The following PDE6A variants were observed in gnomAD, a reference collection of about 807,000 sequenced individuals.
The protein encoded by PDE6A is phosphodiesterase 6A.
In PDE6A, 84 loss-of-function variants were observed where a neutral mutation model predicts 106.3. The observed-to-expected ratio is 0.79, with a 90% CI of 0.66 to 0.95. The LOEUF (loss-of-function observed/expected upper bound fraction) is 0.95. Among genes scored for constraint, PDE6A ranks in the 40% least tolerant of loss-of-function variants. The pLI is 0.00. For synonymous variants in PDE6A, 394 were observed against 386.6 expected (o/e 1.02, Z -0.23); for missense variants, 1,052 against 1,084.9 (o/e 0.97, Z 0.43).
intron 11 of PDE6A, 32 bp downstream of exon 11, chr5:149,896,679 A>G (rs780953320): frequency 3.1e-6 from 5 of 1,613,962 alleles, no homozygotes; most frequent in African/African-American, 1.3e-5. Flanking sequence ...CTTGTTATAC[A>G]TCGGGGCTCG....
At chr5:149,935,469 A>G (rs1390361665) in intron 1 of PDE6A, among the ~76,000 whole-genome samples, 2 of 152,282 alleles carry the variant, frequency 1.3e-5, no homozygotes, top group East Asian at 1.9e-4. Flanking sequence ...TAGAAACCCC[A>G]CTATGTGTCA....
chr5:149,889,779 C>T (rs1283064490), intron 13 of PDE6A, among the ~76,000 whole-genome samples: 1 of 151,660 alleles, frequency 6.6e-6, no homozygotes, highest in Non-Finnish European at 1.5e-5. Flanking sequence ...CGGTGGCACG[C>T]ACCTGTAATC....
intron 17 of PDE6A, among the ~76,000 whole-genome samples, chr5:149,871,075 ATGTT>A (rs534211769): frequency 9.8e-5 from 15 of 152,292 alleles, no homozygotes; most frequent in Middle Eastern, 3.4e-3. Flanking sequence ...AATGGACAGA[ATGTT>A]TGTCTCTTCC....
chr5:149,869,874 T>C (rs1760474208), intron 17 of PDE6A, among the ~76,000 whole-genome samples: 1 of 152,190 alleles, frequency 6.6e-6, no homozygotes, highest in Admixed American at 6.5e-5. Context: ...GCTGGGGCTC[T>C]GAACCTAACT....
At chr5:149,941,973 C>T (rs1003119220) in intron 1 of PDE6A, among the ~76,000 whole-genome samples, 10 of 151,718 alleles carry the variant, frequency 6.6e-5, no homozygotes, top group African/African-American at 1.9e-4. Flanking sequence ...CCTTTCCTTT[C>T]CTTTTCTTGA....
intron 13 of PDE6A, among the ~76,000 whole-genome samples, chr5:149,892,495 T>C (rs1752582292): frequency 1.5e-5 from 2 of 131,624 alleles, no homozygotes; most frequent in South Asian, 4.3e-4. Context: ...TTTCTTTCCT[T>C]TTTTTTTTTT....
chr5:149,872,193 A>G (rs1039951856), intron 17 of PDE6A, among the ~76,000 whole-genome samples: 8 of 152,192 alleles, frequency 5.3e-5, no homozygotes, highest in African/African-American at 1.9e-4. Context: ...TGCTGTGTCC[A>G]GGGCAAGCGA....
At chr5:149,923,857 G>C (rs2113644971) in intron 4 of PDE6A, among the ~76,000 whole-genome samples, 1 of 152,228 alleles carries the variant, frequency 6.6e-6, no homozygotes, top group South Asian at 2.1e-4. Flanking sequence ...TTAGCACTGG[G>C]TTACTGTGGG....
At chr5:149,900,985 G>T (rs963511554) in intron 8 of PDE6A, among the ~76,000 whole-genome samples, 1 of 151,974 alleles carries the variant, frequency 6.6e-6, no homozygotes, top group East Asian at 1.9e-4. Context: ...GCACTATCTC[G>T]GCTCATTGCA....
Position 149,914,999 on chromosome 5 carries a change from G to C in PDE6A, c.942C>G (p.Asn314Lys), listed in dbSNP as rs1753506772. 7 of 1,343,432 alleles carry C rather than the reference G, an allele frequency of 5.2e-6. No individual in the cohort carries two copies. Among genetic ancestry groups the C allele is most frequent in the Non-Finnish European group, 7.3e-6 (7 of 956,532 alleles). 83.2% of individuals were successfully genotyped at this position (1,343,432 alleles called of 1,614,324 possible). ...GGATGTAGTCAATGACCTTGTAAAA[G>C]TTAATTTCCTGGCAAAAGAGAGAAA... ...GPRTPDGREI[N>K]FYKVIDYILH... Residue 314 changes from asparagine to lysine, a missense_variant, in exon 6 of 22, where the codon AAC becomes AAG. By Grantham distance (94) the Asn-to-Lys change is moderately conservative (BLOSUM62 0). This residue lies in a region of PDE6A where 913 missense variants were observed against 915.2 expected (regional missense o/e 1.00). Coordinates refer to ENST00000255266, the MANE Select transcript of PDE6A (RefSeq NM_000440.3).
intron 4 of PDE6A, 83 bp from the exon 5 acceptor site, chr5:149,921,792 G>T: frequency 9.5e-7 from 1 of 1,053,684 alleles, no homozygotes; most frequent in Non-Finnish European, 1.5e-6. Context: ...CCATGAGTCA[G>T]CTAACACTGA....
rs1242635027 is a variant in PDE6A at position 149,858,361 on chromosome 5, A to T, written c.*2534T>A. 6.6e-6 allele frequency: 1 copy of T among 152,222 alleles called. No homozygotes were observed. Among genetic ancestry groups the T allele is most frequent in the African/African-American group, 2.4e-5 (1 of 41,448 alleles). 9.4% of individuals were successfully genotyped at this position (152,222 alleles called of 1,614,324 possible). On this transcript the variant is annotated 3_prime_UTR_variant, in exon 22 of 22. Transcript: ENST00000255266. ...TTTTTAGCATGTTATTGCCATTTTC[A>T]ACTTCTGGTTTATTTGTGCTGTTTT... is the stretch of plus-strand genomic sequence containing the variant.
At chr5:149,896,310 A>T in intron 12 of PDE6A, 46 bp downstream of exon 12, 1 of 1,496,332 alleles carries the variant, frequency 6.7e-7, no homozygotes, top group Non-Finnish European at 9.3e-7. Context: ...AGCAAGCAAG[A>T]AAGAAAATTA....
intron 17 of PDE6A, among the ~76,000 whole-genome samples, chr5:149,878,941 C>G (rs1190530072): frequency 6.6e-6 from 1 of 152,130 alleles, no homozygotes; most frequent in Non-Finnish European, 1.5e-5. Flanking sequence ...CCTATTTAGA[C>G]TATGTGTTTT....
chr5:149,903,778 A>G, intron 7 of PDE6A, 83 bp from the exon 8 acceptor site: 2 of 1,001,572 alleles, frequency 2.0e-6, no homozygotes, highest in Non-Finnish European at 3.2e-6. Flanking sequence ...ATTTTCAGAA[A>G]CACCATGTTC....
At position 149,900,996 on chromosome 5, in the gene PDE6A, A is replaced by G. The variant is rs919075420; in HGVS notation, c.1114-1472T>C. Among the ~76,000 whole-genome samples the G allele has an allele frequency of 1.2e-4, 18 of 152,014 alleles. 1 individual carries two copies. Among genetic ancestry groups the G allele is most frequent in the Admixed American group, 9.8e-4 (15 of 15,284 alleles). ...AGTGGCACTATCTCGGCTCATTGCA[A>G]CCTCCGCTTCCTGGGTTCAAGCGAT... On this transcript the variant is annotated intron_variant, in intron 8 of 21. Coordinates refer to ENST00000255266, the MANE Select transcript of PDE6A (RefSeq NM_000440.3).
At chr5:149,877,698 C>T (rs972586775) in intron 17 of PDE6A, among the ~76,000 whole-genome samples, 2 of 152,208 alleles carry the variant, frequency 1.3e-5, no homozygotes, top group African/African-American at 2.4e-5. Context: ...GCATGGCCAC[C>T]GGGCCCAGCC....
chr5:149,900,375 G>GTATATATATGTATATATATATATATA (rs1752924695), intron 8 of PDE6A, among the ~76,000 whole-genome samples: 1 of 82,584 alleles, frequency 1.2e-5, no homozygotes, highest in Non-Finnish European at 2.4e-5. Context: ...AAATATATAT[G>GTATATATATGTATATATATATATATA]TATATATATA....
At chr5:149,933,508 C>G (rs1178663262) in intron 3 of PDE6A, among the ~76,000 whole-genome samples, 1 of 152,142 alleles carries the variant, frequency 6.6e-6, no homozygotes, top group Non-Finnish European at 1.5e-5. Context: ...CCAGCTCTTT[C>G]CCTTTCATTT....
Sources: gnomAD v4.1 joint callset for allele counts (sites outside exome capture counted in the v4.1 genomes callset) on GRCh38, gnomAD v4.1.1 for gene constraint, gnomAD v4.1.1 regional missense constraint, MANE v1.5 for transcripts, NCBI Gene and HGNC (gene_info 2026-07-23, HGNC 2026-07-21) for gene names.